MAGI2: variants seen among roughly 807,000 people sequenced by gnomAD.
MAGI2 encodes the protein membrane-associated guanylate kinase, WW and PDZ domain-containing protein 2.
Under a neutral mutation model 133.3 loss-of-function variants are expected in MAGI2, and 35 were observed. The observed-to-expected ratio is 0.26, with a 90% confidence interval of 0.20 to 0.35. The LOEUF (loss-of-function observed/expected upper bound fraction) is 0.35, where lower values mean the gene tolerates loss of function less well. Among genes scored for constraint, MAGI2 ranks in the 10% least tolerant of loss-of-function variants. The pLI is 1.00. For missense variants in MAGI2, 1,636 were observed against 1,863.4 expected (o/e 0.88, Z 2.25); for synonymous variants, 729 against 710.6 (o/e 1.03, Z -0.41).
intron 14 of MAGI2, among the ~76,000 whole-genome samples, chr7:78,172,146 A>G (rs1826172540): frequency 6.6e-6 from 1 of 152,206 alleles, no homozygotes; most frequent in Non-Finnish European, 1.5e-5. Context: ...CCAGTAAGTC[A>G]GGGGAAAAAC....
chr7:78,347,723 T>G (rs965289028), intron 7 of MAGI2, among the ~76,000 whole-genome samples: 1 of 152,216 alleles, frequency 6.6e-6, no homozygotes, highest in East Asian at 1.9e-4. Flanking sequence ...TGGTGCTGTT[T>G]AGGAAGGGAG....
intron 6 of MAGI2, among the ~76,000 whole-genome samples, chr7:78,371,120 A>G (rs1793863345): frequency 6.6e-6 from 1 of 151,954 alleles, no homozygotes; most frequent in Non-Finnish European, 1.5e-5. Context: ...AGGCATAAAC[A>G]CCACTTAATT....
At chr7:78,275,556 T>TG (rs1794980862) in intron 9 of MAGI2, among the ~76,000 whole-genome samples, 1 of 151,948 alleles carries the variant, frequency 6.6e-6, no homozygotes, top group African/African-American at 2.4e-5. Context: ...AGCAAGCAAA[T>TG]GAGAAGAAAA....
chr7:78,383,649 A>G (rs1795123493), intron 6 of MAGI2, among the ~76,000 whole-genome samples: 1 of 151,972 alleles, frequency 6.6e-6, no homozygotes, highest in Non-Finnish European at 1.5e-5. Flanking sequence ...TGTGCTTTTG[A>G]GGTCTTAGTC....
chr7:78,097,353 C>T (rs1399302694), intron 20 of MAGI2, among the ~76,000 whole-genome samples: 2 of 152,116 alleles, frequency 1.3e-5, no homozygotes. Flanking sequence ...ATAATAAAGA[C>T]ACATGCATGT....
At chr7:79,208,549 G>T (rs1461314235) in intron 1 of MAGI2, among the ~76,000 whole-genome samples, 4 of 151,902 alleles carry the variant, frequency 2.6e-5, no homozygotes, top group African/African-American at 9.7e-5. Context: ...GTGAAAATGT[G>T]GAGAAAAGAG....
At chr7:78,746,685 G>A (rs1485333736) in intron 2 of MAGI2, among the ~76,000 whole-genome samples, 1 of 152,162 alleles carries the variant, frequency 6.6e-6, no homozygotes, top group Non-Finnish European at 1.5e-5. Flanking sequence ...CATGCCACTA[G>A]CACCTCAATT....
intron 2 of MAGI2, among the ~76,000 whole-genome samples, chr7:78,654,882 G>A (rs34014583): frequency 0.05 from 7,597 of 151,500 alleles, 286 homozygotes; most frequent in East Asian, 0.16. Flanking sequence ...TAAATACCAA[G>A]TGTGCTGATT....
At chr7:79,404,306 T>C (rs1310444726) in intron 1 of MAGI2, among the ~76,000 whole-genome samples, 1 of 152,098 alleles carries the variant, frequency 6.6e-6, no homozygotes, top group Non-Finnish European at 1.5e-5. Flanking sequence ...CATTAATTTA[T>C]GTCTCAAATA....
rs549778838 is a variant in MAGI2, at chr7:78,165,115, T to C, written c.2596+2801A>G. Among the ~76,000 whole-genome samples the C allele has an allele frequency of 2.0e-5, 3 of 152,306 alleles. No homozygotes were observed. In the East Asian group the frequency reaches 5.8e-4, roughly 29 times the overall value. On this transcript the variant is annotated intron_variant, in intron 15 of 21. Transcript: ENST00000354212. ...AAAAATAAATGAATAAAAGAAAAAT[T>C]GGAAGCACTACCCGATAGCCTCTTC...
At chr7:78,430,088 A>G (rs116424669) in intron 6 of MAGI2, among the ~76,000 whole-genome samples, 2,360 of 152,224 alleles carry the variant, frequency 0.016, 51 homozygotes, top group African/African-American at 0.051. Flanking sequence ...GTTAAAATGC[A>G]AATGCAGATT....
chr7:79,079,579 T>G (rs1446260283), intron 1 of MAGI2, among the ~76,000 whole-genome samples: 1 of 152,168 alleles, frequency 6.6e-6, no homozygotes, highest in Non-Finnish European at 1.5e-5. Context: ...CTTAAGTAGC[T>G]ATGGCTATTT....
chr7:79,366,991 C>G (rs1280109149), intron 1 of MAGI2, among the ~76,000 whole-genome samples: 4 of 152,124 alleles, frequency 2.6e-5, no homozygotes, highest in Non-Finnish European at 2.9e-5. Flanking sequence ...CCAGGTTTAA[C>G]AGAAATATTC....
At chr7:78,690,713 A>G (rs1295208980) in intron 2 of MAGI2, among the ~76,000 whole-genome samples, 5 of 152,216 alleles carry the variant, frequency 3.3e-5, no homozygotes, top group African/African-American at 1.2e-4. Context: ...TTCATTGACC[A>G]TAAGAGTAAA....
intron 4 of MAGI2, among the ~76,000 whole-genome samples, chr7:78,504,823 T>A (rs1263163619): frequency 2.0e-5 from 3 of 152,124 alleles, no homozygotes; most frequent in East Asian, 1.9e-4. Flanking sequence ...GTGTTTGTCA[T>A]TACCATGGAA....
intron 2 of MAGI2, among the ~76,000 whole-genome samples, chr7:78,727,306 C>T (rs1446906643): frequency 6.6e-6 from 1 of 152,138 alleles, no homozygotes; most frequent in Non-Finnish European, 1.5e-5. Context: ...GGGGCTGAAA[C>T]TGTGTCTTAT....
chr7:78,322,409 A>G (rs778430717), intron 9 of MAGI2, among the ~76,000 whole-genome samples: 5 of 152,224 alleles, frequency 3.3e-5, no homozygotes, highest in Non-Finnish European at 5.9e-5. Context: ...GCACATATAC[A>G]CCATGGAATA....
chr7:78,704,414 A>C (rs567057400), intron 2 of MAGI2, among the ~76,000 whole-genome samples: 2 of 152,286 alleles, frequency 1.3e-5, no homozygotes, highest in African/African-American at 4.8e-5. Context: ...GCAGTAAAAA[A>C]ATAACACGCT....
intron 1 of MAGI2, among the ~76,000 whole-genome samples, chr7:79,216,496 TA>T (rs1830045943): frequency 6.6e-6 from 1 of 151,974 alleles, no homozygotes; most frequent in Non-Finnish European, 1.5e-5. Flanking sequence ...ATGGCAAAGC[TA>T]AAAGAGTGCA....
Sources: gnomAD v4.1 joint callset for allele counts (sites outside exome capture counted in the v4.1 genomes callset) on GRCh38, gnomAD v4.1.1 for gene constraint, MANE v1.5 for transcripts, NCBI Gene and HGNC (gene_info 2026-07-23, HGNC 2026-07-21) for gene names.